AHI1: variants seen among roughly 807,000 people sequenced by gnomAD.
AHI1 encodes the protein jouberin.
Under a neutral mutation model 149.3 loss-of-function variants are expected in AHI1, and 123 were observed. That is an observed-to-expected ratio of 0.82 (90% CI 0.71 to 0.96). The LOEUF (loss-of-function observed/expected upper bound fraction) is 0.96. Ranked by LOEUF, AHI1 falls within the 40% of genes least tolerant of loss-of-function variation. The probability of loss-of-function intolerance (pLI) is 0.00; values close to 1 mark genes in which losing one functional copy is unlikely to be tolerated. For synonymous variants in AHI1, 475 were observed against 459.8 expected (o/e 1.03, Z -0.42); for missense variants, 1,439 against 1,422.7 (o/e 1.01, Z -0.18).
intron 23 of AHI1, among the ~76,000 whole-genome samples, chr6:135,371,962 G>C (rs771530671): frequency 1.1e-4 from 16 of 152,156 alleles, no homozygotes; most frequent in Non-Finnish European, 1.8e-4. Flanking sequence ...CTTGGAAATG[G>C]GCAATATCTG....
At chr6:135,439,285 G>T (rs1785898821) in intron 14 of AHI1, among the ~76,000 whole-genome samples, 1 of 152,180 alleles carries the variant, frequency 6.6e-6, no homozygotes, top group Non-Finnish European at 1.5e-5. Flanking sequence ...ACATCATTCT[G>T]AGTAGTGTTA....
chr6:135,346,492 G>C (rs1415266141), intron 24 of AHI1, among the ~76,000 whole-genome samples: 7 of 152,126 alleles, frequency 4.6e-5, no homozygotes, highest in African/African-American at 1.7e-4. Context: ...GAGCCATCAT[G>C]CCTGGCCAAG....
At chr6:135,490,564 C>T (rs781651914) in intron 5 of AHI1, 59 bp downstream of exon 5, 3 of 1,585,682 alleles carry the variant, frequency 1.9e-6, no homozygotes, top group Non-Finnish European at 1.7e-6. Context: ...TAAAATGCAG[C>T]CATATCTGCA....
intron 23 of AHI1, among the ~76,000 whole-genome samples, chr6:135,383,280 A>G (rs1217874061): frequency 1.7e-5 from 2 of 117,126 alleles, no homozygotes; most frequent in Non-Finnish European, 3.2e-5. Flanking sequence ...CCCAGGCTGG[A>G]ATGTAGTGGT....
At chr6:135,423,166 A>G (rs190216440) in intron 20 of AHI1, among the ~76,000 whole-genome samples, 3 of 152,312 alleles carry the variant, frequency 2.0e-5, no homozygotes, top group Admixed American at 2.0e-4. Context: ...TATATGTAAA[A>G]TGCTCATAAG....
chr6:135,419,811 G>T (rs60323167), intron 20 of AHI1, among the ~76,000 whole-genome samples: 1 of 152,002 alleles, frequency 6.6e-6, no homozygotes, highest in South Asian at 2.1e-4. Flanking sequence ...TTTCACAAAA[G>T]ATTTCTCTGT....
intron 27 of AHI1, among the ~76,000 whole-genome samples, chr6:135,293,392 C>CAAAAAAAAAAAAGAA (rs1782607467): frequency 5.0e-5 from 1 of 20,154 alleles, no homozygotes; most frequent in Non-Finnish European, 9.6e-5. Flanking sequence ...GTTAACAGGG[C>CAAAAAAAAAAAAGAA]AAAAAAAAAA....
chr6:135,347,503 G>C (rs1791409051), intron 24 of AHI1, among the ~76,000 whole-genome samples: 1 of 152,076 alleles, frequency 6.6e-6, no homozygotes, highest in African/African-American at 2.4e-5. Context: ...AAATCTAAAT[G>C]GTTCTAGAAG....
intron 5 of AHI1, among the ~76,000 whole-genome samples, chr6:135,478,379 C>T (rs1793059128): frequency 2.6e-5 from 4 of 152,130 alleles, no homozygotes; most frequent in South Asian, 4.1e-4. Context: ...TTATTGGGAA[C>T]TGGAGTAAAG....
At chr6:135,311,894 C>T (rs1440828522) in intron 26 of AHI1, among the ~76,000 whole-genome samples, 1 of 152,184 alleles carries the variant, frequency 6.6e-6, no homozygotes, top group African/African-American at 2.4e-5. Context: ...ATGATTAACT[C>T]ATCTCGTCCC....
At chr6:135,378,178 T>C (rs1776220845) in intron 23 of AHI1, among the ~76,000 whole-genome samples, 1 of 152,202 alleles carries the variant, frequency 6.6e-6, no homozygotes. Context: ...TATGTGATCT[T>C]GGACTAGTTA....
chr6:135,382,151 T>C (rs1776851963), intron 23 of AHI1, among the ~76,000 whole-genome samples: 1 of 152,210 alleles, frequency 6.6e-6, no homozygotes, highest in African/African-American at 2.4e-5. Context: ...TTTTTACTTA[T>C]TAACCATTTA....
Position 135,457,659 on chromosome 6 carries a change from C to T in AHI1, c.986G>A (p.Arg329Gln), listed in dbSNP as rs139944375. ...ACATTTGGGATAAACCGGGCTATCT[C>T]GGCTTGTTATTTCATGAACACCATC... ...DGDGVHEITS[R>Q]DSPVYPKCLL... is the part of the protein sequence containing the mutation. Residue 329 changes from arginine (R) to glutamine (Q), a missense_variant, in exon 9 of 29, where the codon CGA becomes CAA. Coordinates refer to ENST00000265602, the MANE Select transcript of AHI1 (RefSeq NM_001134831.2). 5.6e-6 allele frequency: 9 copies of T among 1,613,868 alleles called. No individual in the cohort carries two copies. Among genetic ancestry groups the T allele is most frequent in the Middle Eastern group, 1.6e-4 (1 of 6,062 alleles).
At chr6:135,460,846 G>T (rs1446233855) in intron 8 of AHI1, among the ~76,000 whole-genome samples, 1 of 152,096 alleles carries the variant, frequency 6.6e-6, no homozygotes, top group East Asian at 1.9e-4. Context: ...TTCAGTAAAT[G>T]GTACTGGGTC....
chr6:135,487,992 G>A (rs1266978374), intron 5 of AHI1, among the ~76,000 whole-genome samples: 1 of 151,878 alleles, frequency 6.6e-6, no homozygotes, highest in Non-Finnish European at 1.5e-5. Context: ...GACAACTTAG[G>A]TGACCAGATT....
Position 135,283,786 on chromosome 6 carries a change from T to G in AHI1, c.*1859A>C, listed in dbSNP as rs980398676. On this transcript the variant is annotated 3_prime_UTR_variant, in exon 29 of 29. Coordinates refer to ENST00000265602, the MANE Select transcript of AHI1 (RefSeq NM_001134831.2). ...AGTAGAGCCAAATTTTCCTGGTGTT[T>G]GCTTCAACTGCTATTTTTCTCTTTA... 11 of 152,192 alleles carry G rather than the reference T, an allele frequency of 7.2e-5. No homozygotes were observed. The highest frequency in any genetic ancestry group is 2.7e-4 in the African/African-American group (11 of 41,452). 9.4% of individuals were successfully genotyped at this position (152,192 alleles called of 1,614,324 possible).
chr6:135,372,506 C>T (rs1045393182), intron 23 of AHI1, among the ~76,000 whole-genome samples: 9 of 132,840 alleles, frequency 6.8e-5, no homozygotes, highest in South Asian at 2.6e-4. Context: ...CTGTCTCTAC[C>T]GGAAAAAAAA....
At chr6:135,338,357 C>T (rs754602363) in intron 24 of AHI1, among the ~76,000 whole-genome samples, 5 of 150,604 alleles carry the variant, frequency 3.3e-5, no homozygotes, top group South Asian at 2.1e-4. Flanking sequence ...TGCGTTAGCA[C>T]GTTAGCATAT....
intron 24 of AHI1, among the ~76,000 whole-genome samples, chr6:135,333,676 A>G (rs926815583): frequency 3.3e-5 from 5 of 152,224 alleles, no homozygotes; most frequent in Non-Finnish European, 7.4e-5. Context: ...TTAATTCCAG[A>G]TATCTTCTGA....
Sources: allele counts gnomAD v4.1 joint callset (sites outside exome capture counted in the v4.1 genomes callset), GRCh38; gene constraint gnomAD v4.1.1; transcripts MANE v1.5; gene names NCBI Gene and HGNC (gene_info 2026-07-23, HGNC 2026-07-21).